NF1: variants seen among roughly 807,000 people sequenced by gnomAD.
The protein encoded by NF1 is neurofibromin 1.
In NF1, 122 loss-of-function variants were observed where a neutral mutation model predicts 325.7. That is an observed-to-expected ratio of 0.37 (90% CI 0.32 to 0.44). NF1 has a LOEUF of 0.44. Ranked by LOEUF, NF1 falls within the 20% of genes least tolerant of loss-of-function variation. The pLI is 1.00. For synonymous variants in NF1, 1,091 were observed against 1,186.0 expected (o/e 0.92, Z 1.65); for missense variants, 2,140 against 3,415.4 (o/e 0.63, Z 9.31).
chr17:31,181,926 A>C, intron 7 of NF1, 141 bp downstream of exon 7: 2 of 679,218 alleles, frequency 2.9e-6, no homozygotes, highest in Non-Finnish European at 5.2e-6. Context: ...TCAAATAGGA[A>C]ATACTGTTTT....
At chr17:31,230,045 G>A (rs1193931178) in intron 22 of NF1, 71 bp downstream of exon 22, 2 of 1,571,574 alleles carry the variant, frequency 1.3e-6, no homozygotes, top group Non-Finnish European at 1.7e-6. Flanking sequence ...ACTGATACTG[G>A]TAGTAATTGA....
At chr17:31,208,089 T>C (rs909451703) in intron 12 of NF1, among the ~76,000 whole-genome samples, 4 of 152,192 alleles carry the variant, frequency 2.6e-5, no homozygotes, top group Admixed American at 1.3e-4. Context: ...GCCCTAGTTA[T>C]AAGCTGATTC....
intron 34 of NF1, among the ~76,000 whole-genome samples, 185 bp downstream of exon 34, chr17:31,260,700 A>G (rs537959874): frequency 6.6e-6 from 1 of 152,330 alleles, no homozygotes; most frequent in Non-Finnish European, 1.5e-5. Context: ...TAAATAATCA[A>G]CAAACCTACC....
At chr17:31,249,687 G>A (rs1367270649) in intron 30 of NF1, among the ~76,000 whole-genome samples, 7 of 152,324 alleles carry the variant, frequency 4.6e-5, no homozygotes, top group East Asian at 1.9e-4. Flanking sequence ...CAAGTAATGC[G>A]TCTGAACTCA....
At chr17:31,253,968 A>G (rs1242643561) in intron 31 of NF1, 1 of 152,116 alleles carries the variant, frequency 6.6e-6, no homozygotes, top group African/African-American at 2.4e-5. Context: ...AACTTTACAT[A>G]TAATAAAAGC....
intron 13 of NF1, 50 bp downstream of exon 13, chr17:31,214,635 G>A (rs1217201145): frequency 6.3e-7 from 1 of 1,585,744 alleles, no homozygotes; most frequent in Non-Finnish European, 8.6e-7. Flanking sequence ...TAAGTTAATT[G>A]GGTTTAGCTG....
intron 50 of NF1, among the ~76,000 whole-genome samples, chr17:31,350,761 T>C (rs1170776889): frequency 6.6e-6 from 1 of 152,240 alleles, no homozygotes; most frequent in Non-Finnish European, 1.5e-5. Context: ...TTTTCTATAA[T>C]GTAGACATAG....
intron 1 of NF1, among the ~76,000 whole-genome samples, chr17:31,127,959 CTTCTG>C (rs1178261814): frequency 6.1e-5 from 9 of 147,566 alleles, no homozygotes; most frequent in African/African-American, 2.2e-4. Context: ...GTACCTTGCA[CTTCTG>C]TTTTGTTTTG....
At chr17:31,357,202 C>A (rs929628461) in intron 53 of NF1, 67 bp from the exon 54 acceptor site, 1 of 1,592,490 alleles carries the variant, frequency 6.3e-7, no homozygotes, top group Non-Finnish European at 8.6e-7. Context: ...CTACTTCTCA[C>A]CCAAACAGAT....
rs114705610 is a variant in NF1 at position 31,348,785 on chromosome 17, T to G, written c.7190-335T>G. Among the ~76,000 whole-genome samples, 1,440 of 152,188 alleles carry G rather than the reference T, an allele frequency of 9.5e-3. 22 individuals are homozygous for G. The highest frequency in any genetic ancestry group is 0.033 in the African/African-American group (1,356 of 41,526). ...TTTCAAATGAAATCTTAAGGAGAAT[T>G]ATAATACATAGATTTTTTTTTTTAA... On this transcript the variant is annotated intron_variant, in intron 48 of 57. Transcript: ENST00000358273.
At position 31,337,362 on chromosome 17, in the gene NF1, T is replaced by C. The variant is rs772738883; in HGVS notation, c.6428-6T>C. On this transcript the variant is annotated splice_polypyrimidine_tract_variant and splice_region_variant and intron_variant, in intron 42 of 57. Transcript: ENST00000358273. ...TGTCTTTACTTGTTCCTTTATTCTCTTACAGAAGAGACCAAGCAAGTTTTG... is the reference window on the plus strand; with the variant it reads ...TGTCTTTACTTGTTCCTTTATTCTCCTACAGAAGAGACCAAGCAAGTTTTG... The C allele has an allele frequency of 1.2e-6, 2 of 1,606,966 alleles. No homozygotes were observed. The highest frequency in any genetic ancestry group is 1.7e-6 in the Non-Finnish European group (2 of 1,173,670).
chr17:31,326,033 C>T lies in NF1; in HGVS notation c.5049C>T (p.Asn1683=), dbSNP rs140994965. Residue 1683 remains asparagine (N), a synonymous_variant, in exon 37 of 58, where the codon AAC becomes AAT. Transcript: ENST00000358273. ...CCGCAGTCTATATCTATAACTGTAACTCCTGGGTCAGGGAGTACACCAAGT... is the reference window on the plus strand; with the variant it reads ...CCGCAGTCTATATCTATAACTGTAATTCCTGGGTCAGGGAGTACACCAAGT... ...NVSAVYIYNC[N]SWVREYTKYH... The T allele has an allele frequency of 1.7e-4, 279 of 1,614,066 alleles. No homozygotes were observed. The highest frequency in any genetic ancestry group is 1.7e-4 in the Non-Finnish European group (199 of 1,180,034).
intron 36 of NF1, among the ~76,000 whole-genome samples, chr17:31,313,816 C>T (rs535095236): frequency 6.6e-6 from 1 of 151,204 alleles, no homozygotes; most frequent in Non-Finnish European, 1.5e-5. Context: ...TTTTCTAAGG[C>T]AAGCTGAACT....
intron 36 of NF1, chr17:31,305,391 A>G: frequency 6.2e-7 from 1 of 1,614,176 alleles, no homozygotes; most frequent in Non-Finnish European, 8.5e-7. Context: ...TGACTTTGGC[A>G]GGTGATATTG....
intron 8 of NF1, 104 bp downstream of exon 8, chr17:31,182,769 G>T: frequency 8.8e-7 from 1 of 1,130,440 alleles, no homozygotes. Context: ...AGTATTTCAG[G>T]GAACCATTTA....
intron 1 of NF1, among the ~76,000 whole-genome samples, chr17:31,115,481 A>G (rs1237657618): frequency 2.0e-5 from 3 of 152,250 alleles, no homozygotes; most frequent in Non-Finnish European, 2.9e-5. Context: ...TGGAATTTTT[A>G]GGAATAATAG....
At chr17:31,304,756 T>C (rs1158185092) in intron 36 of NF1, 5 of 1,614,096 alleles carry the variant, frequency 3.1e-6, no homozygotes, top group African/African-American at 2.7e-5. Flanking sequence ...TTCTAAGTCA[T>C]CTGCTAAAAG....
intron 36 of NF1, chr17:31,272,862 G>T (rs2067928373): frequency 6.6e-6 from 1 of 152,130 alleles, no homozygotes; most frequent in South Asian, 2.1e-4. Context: ...TTTGTGTTAT[G>T]TAAATGTTTG....
At chr17:31,214,661 G>C (rs2143961953) in intron 13 of NF1, 76 bp downstream of exon 13, 1 of 1,465,480 alleles carries the variant, frequency 6.8e-7, no homozygotes, top group African/African-American at 1.4e-5. Flanking sequence ...CCAAGACCTT[G>C]AGGATAATTT....
Sources: allele counts gnomAD v4.1 joint callset (sites outside exome capture counted in the v4.1 genomes callset), GRCh38; gene constraint gnomAD v4.1.1; transcripts MANE v1.5; gene names NCBI Gene and HGNC (gene_info 2026-07-23, HGNC 2026-07-21).